The following ANO10 variants were observed in gnomAD, a reference collection of about 807,000 sequenced individuals.
The protein encoded by ANO10 is anoctamin-10.
In ANO10, 77 loss-of-function variants were observed where a neutral mutation model predicts 74.7. The ratio of observed to expected loss-of-function variants is 1.03; its 90% CI spans 0.86 to 1.25. ANO10 has a LOEUF of 1.25. ANO10 is among the 50% of genes most tolerant of loss of function. ANO10 has a pLI of 0.00. For missense variants in ANO10, 721 were observed against 778.1 expected, an observed-to-expected ratio of 0.93 and a Z score of 0.87; for synonymous variants, 279 against 284.9, an observed-to-expected ratio of 0.98 and a Z score of 0.21.
In ANO10 at chr3:43,519,263, A is replaced by G. The variant is rs2149209994; in HGVS notation, c.1797+30457T>C. On this transcript the variant is annotated intron_variant, in intron 11 of 12. Coordinates refer to ENST00000292246, the MANE Select transcript of ANO10 (RefSeq NM_018075.5). The stretch of plus-strand genomic sequence containing the variant: ...AACAGCATTGTGCCTTATTTATAAC[A>G]TCCCCTGTATTCTGTTTCCCTTTAG... Among the ~76,000 whole-genome samples the G allele has an allele frequency of 2.6e-5, 4 of 152,286 alleles. No homozygotes were observed. In the East Asian group the frequency reaches 5.8e-4, roughly 22 times the overall value.
At chr3:43,517,550 A>G (rs1226545717) in intron 11 of ANO10, among the ~76,000 whole-genome samples, 3 of 152,162 alleles carry the variant, frequency 2.0e-5, no homozygotes, top group Non-Finnish European at 4.4e-5. Flanking sequence ...GATACCAGTG[A>G]GCTCACATAC....
intron 11 of ANO10, among the ~76,000 whole-genome samples, chr3:43,438,293 A>G (rs537647877): frequency 7.9e-4 from 120 of 152,018 alleles, no homozygotes; most frequent in Non-Finnish European, 1.6e-3. Flanking sequence ...AAAATAAAAA[A>G]CTTAGCTGGG....
At chr3:43,483,597 C>A (rs2076352676) in intron 11 of ANO10, among the ~76,000 whole-genome samples, 1 of 152,174 alleles carries the variant, frequency 6.6e-6, no homozygotes, top group Non-Finnish European at 1.5e-5. Flanking sequence ...AAAAACAAAA[C>A]TCTGTAAAAT....
intron 11 of ANO10, among the ~76,000 whole-genome samples, chr3:43,514,556 T>A (rs1324448787): frequency 1.3e-5 from 2 of 151,936 alleles, no homozygotes; most frequent in Admixed American, 6.6e-5. Context: ...TTCTCAAAAA[T>A]TAATAGAAAA....
chr3:43,544,796 T>TAAAAAAAAA (rs556665373), intron 11 of ANO10, among the ~76,000 whole-genome samples: 2 of 110,934 alleles, frequency 1.8e-5, no homozygotes, highest in Non-Finnish European at 3.7e-5. Flanking sequence ...CTGTCTGAAA[T>TAAAAAAAAA]AAAAAAAAAA....
chr3:43,551,979 G>C (rs764447422), intron 10 of ANO10, among the ~76,000 whole-genome samples: 1 of 152,082 alleles, frequency 6.6e-6, no homozygotes, highest in Non-Finnish European at 1.5e-5. Context: ...TTTTCTGTTT[G>C]TTCCCTGTTT....
At chr3:43,466,232 G>A (rs1320911714) in intron 11 of ANO10, among the ~76,000 whole-genome samples, 2 of 151,612 alleles carry the variant, frequency 1.3e-5, no homozygotes, top group Non-Finnish European at 2.9e-5. Flanking sequence ...TTAGCCAGGC[G>A]TGGTGGTGCG....
Position 43,565,652 on chromosome 3 carries a change from C to A in ANO10, c.1293+1G>T. 4 of 1,574,512 alleles carry A rather than the reference C, an allele frequency of 2.5e-6. No individual in the cohort carries two copies. The highest frequency in any genetic ancestry group is 3.5e-6 in the Non-Finnish European group (4 of 1,159,156). ...GGTATTTTTCTGTTATTTTTACTTA[C>A]CTGGCGCAAAAGCTTCATATCTTTC... On this transcript the variant is annotated splice_donor_variant, in intron 8 of 12. Coordinates refer to ENST00000292246, the MANE Select transcript of ANO10 (RefSeq NM_018075.5). LOFTEE classifies it high-confidence loss of function.
intron 12 of ANO10, among the ~76,000 whole-genome samples, chr3:43,427,150 T>A (rs548378917): frequency 6.6e-6 from 1 of 152,212 alleles, no homozygotes; most frequent in African/African-American, 2.4e-5. Context: ...AAAAAAAATA[T>A]ATAAAAATAA....
intron 1 of ANO10, among the ~76,000 whole-genome samples, chr3:43,653,465 G>T (rs2083811576): frequency 6.6e-6 from 1 of 152,198 alleles, no homozygotes; most frequent in African/African-American, 2.4e-5. Context: ...ATATGCTTCT[G>T]GTGTGAGTAC....
intron 11 of ANO10, among the ~76,000 whole-genome samples, chr3:43,533,847 T>C (rs2078579617): frequency 6.6e-6 from 1 of 152,358 alleles, no homozygotes; most frequent in Admixed American, 6.5e-5. Flanking sequence ...ATCTTACACA[T>C]GGATTCCTTT....
At chr3:43,656,405 C>A (rs1016026641) in intron 1 of ANO10, among the ~76,000 whole-genome samples, 5 of 152,252 alleles carry the variant, frequency 3.3e-5, no homozygotes, top group African/African-American at 7.2e-5. Context: ...GAGCTGCCTG[C>A]CAGTCCTGTG....
intron 11 of ANO10, among the ~76,000 whole-genome samples, chr3:43,474,300 C>T (rs748498441): frequency 1.4e-5 from 2 of 143,412 alleles, no homozygotes; most frequent in Non-Finnish European, 1.5e-5. Flanking sequence ...AGGACTTTAT[C>T]AGGATTGATT....
intron 1 of ANO10, among the ~76,000 whole-genome samples, chr3:43,672,341 T>C (rs2084069546): frequency 6.6e-6 from 1 of 152,032 alleles, no homozygotes; most frequent in Admixed American, 6.6e-5. Context: ...CTGGGCAACA[T>C]AGTGAGACTC....
At chr3:43,526,222 A>G (rs1206888400) in intron 11 of ANO10, among the ~76,000 whole-genome samples, 3 of 152,216 alleles carry the variant, frequency 2.0e-5, no homozygotes, top group African/African-American at 7.2e-5. Flanking sequence ...AATTAGCAAC[A>G]TGTTAATTGT....
chr3:43,389,100 T>C (rs936803405), intron 12 of ANO10, among the ~76,000 whole-genome samples: 1 of 152,246 alleles, frequency 6.6e-6, no homozygotes, highest in African/African-American at 2.4e-5. Context: ...TTAAACCATA[T>C]GGCTGCAGAC....
intron 1 of ANO10, among the ~76,000 whole-genome samples, chr3:43,615,710 G>C (rs1325834012): frequency 1.3e-5 from 2 of 151,698 alleles, no homozygotes; most frequent in Non-Finnish European, 2.9e-5. Flanking sequence ...CTGGAGTGCA[G>C]TGGCGCAATC....
At chr3:43,576,635 T>C in intron 6 of ANO10, 57 bp downstream of exon 6, 1 of 1,566,156 alleles carries the variant, frequency 6.4e-7, no homozygotes, top group Non-Finnish European at 8.8e-7. Flanking sequence ...AATCCCATGA[T>C]CTAGGCAACA....
chr3:43,580,913 A>C (rs1357796312), intron 4 of ANO10, among the ~76,000 whole-genome samples: 1 of 152,228 alleles, frequency 6.6e-6, no homozygotes, highest in Non-Finnish European at 1.5e-5. Context: ...GCCAGTAAAA[A>C]TAGAATATGA....
Sources: gnomAD v4.1 joint callset for allele counts (sites outside exome capture counted in the v4.1 genomes callset) on GRCh38, gnomAD v4.1.1 for gene constraint, MANE v1.5 for transcripts, NCBI Gene and HGNC (gene_info 2026-07-23, HGNC 2026-07-21) for gene names.